ZNF532: variants seen among roughly 807,000 people sequenced by gnomAD.
The protein encoded by ZNF532 is zinc finger protein 532.
In ZNF532, 22 loss-of-function variants were observed where a neutral mutation model predicts 89.3. That is an observed-to-expected ratio of 0.25 (90% confidence interval 0.18 to 0.35). The LOEUF (loss-of-function observed/expected upper bound fraction) is 0.35, where lower values mean the gene tolerates loss of function less well. ZNF532 is among the 10% of genes least tolerant of loss of function. ZNF532 has a pLI of 1.00. For synonymous variants in ZNF532, 606 were observed against 649.6 expected (o/e 0.93, Z 1.02); for missense variants, 1,132 against 1,643.4 (o/e 0.69, Z 5.38).
intron 2 of ZNF532, among the ~76,000 whole-genome samples, chr18:58,901,831 C>T (rs546834045): frequency 4.6e-5 from 7 of 152,248 alleles, no homozygotes; most frequent in African/African-American, 1.4e-4. Context: ...TGGCTTCGCA[C>T]CCCACCCTGC....
In ZNF532 at chr18:58,979,174, C is replaced by G; in HGVS notation, c.3263+7C>G. 1 of 1,605,692 alleles carries G rather than the reference C, an allele frequency of 6.2e-7. No homozygotes were observed. The highest frequency in any genetic ancestry group is 1.3e-5 in the African/African-American group (1 of 74,924). Reference sequence around the variant, plus strand: ...GGAAAGTGTACGCCTGCTCGTAAGTCCTGGTTTCTAACGGAACGCAGTGAG... The same window carrying G: ...GGAAAGTGTACGCCTGCTCGTAAGTGCTGGTTTCTAACGGAACGCAGTGAG... On this transcript the variant is annotated splice_region_variant and intron_variant, in intron 8 of 9. Coordinates refer to ENST00000591808, the MANE Select transcript of ZNF532 (RefSeq NM_001375912.1).
chr18:58,907,120 G>A (rs547399598), intron 2 of ZNF532, among the ~76,000 whole-genome samples: 15 of 152,274 alleles, frequency 9.9e-5, no homozygotes, highest in African/African-American at 3.6e-4. Context: ...GTTTTGCAGG[G>A]TGCAGAGAAG....
Position 58,948,154 on chromosome 18 carries a change from G to A in ZNF532, c.2793G>A (p.Gln931=), listed in dbSNP as rs558952916. 5 of 1,613,994 alleles carry A rather than the reference G, an allele frequency of 3.1e-6. No homozygotes were observed. The highest frequency in any genetic ancestry group is 4.2e-6 in the Non-Finnish European group (5 of 1,179,920). The change falls in exon 6 of 10, where the codon CAG becomes CAA. Residue 931 remains glutamine (Q), a synonymous_variant. Coordinates refer to ENST00000591808, the MANE Select transcript of ZNF532 (RefSeq NM_001375912.1). ...YRHFDQHIEN[Q]KVSVFKCPDC... ...ACTTTGACCAACACATTGAAAACCA[G>A]AAGGTGTCTGTTTTCAAGTGTCCAG...
At chr18:58,896,390 C>G (rs575602665) in intron 2 of ZNF532, 1 of 152,140 alleles carries the variant, frequency 6.6e-6, no homozygotes, top group Admixed American at 6.5e-5. Flanking sequence ...GGTAACTTCT[C>G]TTCTACTTCC....
At chr18:58,951,650 T>TTTTTTTTGGTTG (rs1426950031) in intron 6 of ZNF532, among the ~76,000 whole-genome samples, 20 of 139,048 alleles carry the variant, frequency 1.4e-4, no homozygotes, top group African/African-American at 5.4e-4. Flanking sequence ...CCTGTTGTTT[T>TTTTTTTTGGTTG]TTTTTTTTTT....
At chr18:58,974,885 G>C (rs543142454) in intron 7 of ZNF532, among the ~76,000 whole-genome samples, 4 of 152,184 alleles carry the variant, frequency 2.6e-5, no homozygotes, top group Admixed American at 2.6e-4. Flanking sequence ...ACCATTTGAC[G>C]TAGTTAAAAC....
chr18:58,907,216 C>T (rs983418272), intron 2 of ZNF532, among the ~76,000 whole-genome samples: 6 of 152,132 alleles, frequency 3.9e-5, no homozygotes, highest in African/African-American at 7.2e-5. Context: ...GACGGAGTCT[C>T]GCTCTGTTGC....
intron 2 of ZNF532, among the ~76,000 whole-genome samples, chr18:58,912,109 T>C (rs1288298824): frequency 6.6e-6 from 1 of 152,138 alleles, no homozygotes; most frequent in Non-Finnish European, 1.5e-5. Context: ...CTGGCTTCAC[T>C]CCTCTATTTC....
At chr18:58,872,115 C>T (rs1214585570) in intron 2 of ZNF532, among the ~76,000 whole-genome samples, 5 of 152,274 alleles carry the variant, frequency 3.3e-5, no homozygotes, top group Admixed American at 6.5e-5. Flanking sequence ...TTTAGACAGA[C>T]GCAGAGCGGC....
intron 2 of ZNF532, among the ~76,000 whole-genome samples, chr18:58,883,232 A>G (rs1323027683): frequency 6.6e-6 from 1 of 152,178 alleles, no homozygotes; most frequent in Non-Finnish European, 1.5e-5. Flanking sequence ...GAACTTTTAA[A>G]TGAATTGATT....
chr18:58,893,679 AT>A (rs1568260771), intron 2 of ZNF532, among the ~76,000 whole-genome samples: 1 of 151,212 alleles, frequency 6.6e-6, no homozygotes, highest in Non-Finnish European at 1.5e-5. Context: ...AAAGAAAGAA[AT>A]GAGATAATTG....
At chr18:58,895,884 T>G (rs1602761056) in intron 2 of ZNF532, among the ~76,000 whole-genome samples, 1 of 151,214 alleles carries the variant, frequency 6.6e-6, no homozygotes, top group East Asian at 2.0e-4. Context: ...ATGGTCTCAC[T>G]CTGTCGACGA....
chr18:58,985,514 A>G lies in ZNF532; in HGVS notation c.*1048A>G, dbSNP rs1467880568. ...CTTAGAGTCGGGATGCACAACTTCA[A>G]CCACCGACTTATCAATGCAGCCGCC... On this transcript the variant is annotated 3_prime_UTR_variant, in exon 10 of 10. Transcript: ENST00000591808. 1.3e-5 allele frequency: 2 copies of G among 152,578 alleles called. No individual in the cohort carries two copies. Among genetic ancestry groups the G allele is most frequent in the African/African-American group, 4.8e-5 (2 of 41,424 alleles). The allele number at this position is 152,578 out of a possible 1,614,324, so 9.5% of individuals were successfully genotyped here.
rs951118309 is a variant in ZNF532 at position 58,985,194 on chromosome 18, A to T, written c.*728A>T. ...AGGAATGGGGAAGGCTATTCTAAAG[A>T]AAAAAATGGGATTTGTTTTCTCGGC... On this transcript the variant is annotated 3_prime_UTR_variant, in exon 10 of 10. Transcript: ENST00000591808. The T allele has an allele frequency of 6.6e-6, 1 of 152,220 alleles. No individual in the cohort carries two copies. The highest frequency in any genetic ancestry group is 6.5e-5 in the Admixed American group (1 of 15,288). 9.4% of individuals were successfully genotyped at this position (152,220 alleles called of 1,614,324 possible).
upstream of ZNF532, chr18:58,864,579 T>TG (rs1050470383): frequency 1.2e-4 from 1 of 8,110 alleles, no homozygotes; most frequent in African/African-American, 5.4e-4. Context: ...CGGTGGGCTG[T>TG]GGGGTGGAGG....
In ZNF532 at chr18:58,918,703, A is replaced by G. The variant is rs1280408586; in HGVS notation, c.416A>G (p.Asp139Gly). Residue 139 changes from aspartate (D) to glycine (G), a missense_variant, in exon 3 of 10, where the codon GAT becomes GGT. Physicochemically the swap from Asp to Gly is moderately conservative, Grantham distance 94 (BLOSUM62 -1). Coordinates refer to ENST00000591808, the MANE Select transcript of ZNF532 (RefSeq NM_001375912.1). Reference sequence around the variant, plus strand: ...CCGATCTCCAGTGCTGAAGAGTTTGATGACGACGAGAAGATTGAGGTGGAT... The same window carrying G: ...CCGATCTCCAGTGCTGAAGAGTTTGGTGACGACGAGAAGATTGAGGTGGAT... ...FSPISSAEEF[D>G]DDEKIEVDDP... 1 of 1,614,070 alleles carries G rather than the reference A, an allele frequency of 6.2e-7. No homozygotes were observed. Among genetic ancestry groups the G allele is most frequent in the Non-Finnish European group, 8.5e-7 (1 of 1,180,042 alleles).
chr18:58,865,951 G>A (rs1049009704), intron 2 of ZNF532, among the ~76,000 whole-genome samples: 1 of 152,192 alleles, frequency 6.6e-6, no homozygotes, highest in African/African-American at 2.4e-5. Context: ...TCACCAAATC[G>A]AGGCAGCCTA....
At chr18:58,983,221 G>A (rs1374578964) in intron 9 of ZNF532, among the ~76,000 whole-genome samples, 2 of 152,148 alleles carry the variant, frequency 1.3e-5, no homozygotes, top group East Asian at 1.9e-4. Flanking sequence ...GGAGGGGCAC[G>A]TTGGCTTGGG....
chr18:58,969,049 A>G (rs2066203225), intron 7 of ZNF532, among the ~76,000 whole-genome samples: 1 of 152,214 alleles, frequency 6.6e-6, no homozygotes, highest in Admixed American at 6.5e-5. Flanking sequence ...CTTGTAAGAT[A>G]GACAGCACCA....
Sources: allele counts gnomAD v4.1 joint callset (sites outside exome capture counted in the v4.1 genomes callset), GRCh38; gene constraint gnomAD v4.1.1; transcripts MANE v1.5; gene names NCBI Gene and HGNC (gene_info 2026-07-23, HGNC 2026-07-21).